ENTHD1: variants seen among roughly 807,000 people sequenced by gnomAD.
The protein encoded by ENTHD1 is ENTH domain containing 1.
Under a neutral mutation model 39.1 loss-of-function variants are expected in ENTHD1, and 23 were observed. The observed-to-expected ratio is 0.59, with a 90% confidence interval of 0.42 to 0.83. The LOEUF is 0.83. Among genes scored for constraint, ENTHD1 ranks in the 40% least tolerant of loss-of-function variants. The probability of loss-of-function intolerance (pLI) is 0.00; values close to 1 mark genes in which losing one functional copy is unlikely to be tolerated. For synonymous variants in ENTHD1, 230 were observed against 258.2 expected (o/e 0.89, Z 1.05); for missense variants, 624 against 705.4 (o/e 0.88, Z 1.31).
At chr22:39,877,061 G>A (rs996082942) in intron 2 of ENTHD1, among the ~76,000 whole-genome samples, 6 of 152,168 alleles carry the variant, frequency 3.9e-5, no homozygotes, top group Admixed American at 6.5e-5. Flanking sequence ...GAATGTTAAC[G>A]AGATTCAGGA....
chr22:39,820,966 A>G (rs752686988), intron 5 of ENTHD1, 27 bp downstream of exon 5: 3 of 1,611,976 alleles, frequency 1.9e-6, no homozygotes. Flanking sequence ...TCTGATAAGT[A>G]AACTTCCTAT....
chr22:39,861,278 G>A (rs150717255), intron 3 of ENTHD1, among the ~76,000 whole-genome samples: 334 of 152,302 alleles, frequency 2.2e-3, no homozygotes, highest in East Asian at 0.019. Context: ...AGTGGCTCAC[G>A]CCTATAATCC....
intron 2 of ENTHD1, among the ~76,000 whole-genome samples, chr22:39,886,058 GT>G (rs137951): frequency 0.28 from 41,687 of 147,970 alleles, 7,577 homozygotes; most frequent in African/African-American, 0.53. Flanking sequence ...TCTCAATAAA[GT>G]TTTTTTTTTT....
At chr22:39,844,130 C>G (rs1305154998) in intron 3 of ENTHD1, among the ~76,000 whole-genome samples, 1 of 151,420 alleles carries the variant, frequency 6.6e-6, no homozygotes, top group African/African-American at 2.4e-5. Flanking sequence ...TAAAGATGTA[C>G]AATTACTGTA....
intron 3 of ENTHD1, among the ~76,000 whole-genome samples, chr22:39,845,661 T>C (rs981646455): frequency 1.3e-5 from 2 of 152,218 alleles, no homozygotes; most frequent in African/African-American, 4.8e-5. Flanking sequence ...AAATTCGTAA[T>C]TGTTTCTTGT....
At chr22:39,884,504 G>A (rs573511993) in intron 2 of ENTHD1, among the ~76,000 whole-genome samples, 6 of 151,328 alleles carry the variant, frequency 4.0e-5, no homozygotes, top group South Asian at 2.1e-4. Context: ...AACAAAATTC[G>A]TAAGCTGGTA....
intron 5 of ENTHD1, among the ~76,000 whole-genome samples, chr22:39,799,957 G>A (rs1467727891): frequency 6.6e-6 from 1 of 152,190 alleles, no homozygotes; most frequent in Non-Finnish European, 1.5e-5. Flanking sequence ...GTCTGGTGGG[G>A]GCTGGGCTCT....
intron 1 of ENTHD1, among the ~76,000 whole-genome samples, chr22:39,891,579 C>A (rs1030732656): frequency 6.6e-6 from 1 of 150,938 alleles, no homozygotes; most frequent in Non-Finnish European, 1.5e-5. Flanking sequence ...GTAGCTGGGA[C>A]TACAGGTGCA....
chr22:39,767,240 T>C (rs886535850), intron 5 of ENTHD1, among the ~76,000 whole-genome samples: 1 of 152,206 alleles, frequency 6.6e-6, no homozygotes. Flanking sequence ...TGCTTAATAA[T>C]GATTAAAGGA....
chr22:39,801,808 T>G (rs17001461), intron 5 of ENTHD1, among the ~76,000 whole-genome samples: 3 of 148,560 alleles, frequency 2.0e-5, no homozygotes, highest in South Asian at 2.2e-4. Context: ...TTTGTTGTGG[T>G]TTTTTTTTTA....
chr22:39,838,603 C>T (rs563611536), intron 3 of ENTHD1, among the ~76,000 whole-genome samples: 13 of 152,104 alleles, frequency 8.5e-5, no homozygotes, highest in African/African-American at 1.7e-4. Context: ...TGTGGGCAAA[C>T]GAGCAGTTCC....
chr22:39,870,204 T>G (rs1429247878), intron 2 of ENTHD1, among the ~76,000 whole-genome samples: 1 of 151,836 alleles, frequency 6.6e-6, no homozygotes, highest in African/African-American at 2.4e-5. Flanking sequence ...TTTAATATCT[T>G]TGCCATGTCG....
At chr22:39,845,474 G>C (rs1008022881) in intron 3 of ENTHD1, among the ~76,000 whole-genome samples, 2 of 151,980 alleles carry the variant, frequency 1.3e-5, no homozygotes, top group Non-Finnish European at 1.5e-5. Context: ...AACACATTCC[G>C]GTAGAAAAAC....
chr22:39,765,712 C>G (rs987947325), intron 5 of ENTHD1, 103 bp from the exon 6 acceptor site: 1 of 1,184,958 alleles, frequency 8.4e-7, no homozygotes, highest in Non-Finnish European at 1.2e-6. Flanking sequence ...AATGTCATAA[C>G]AGAATTCTTT....
At chr22:39,772,971 A>G (rs2065338558) in intron 5 of ENTHD1, among the ~76,000 whole-genome samples, 1 of 152,082 alleles carries the variant, frequency 6.6e-6, no homozygotes, top group East Asian at 1.9e-4. Context: ...TTTCAAATAC[A>G]TGAAGCAAAA....
intron 5 of ENTHD1, among the ~76,000 whole-genome samples, chr22:39,780,123 C>CT (rs2065396550): frequency 6.6e-6 from 1 of 152,124 alleles, no homozygotes; most frequent in Non-Finnish European, 1.5e-5. Flanking sequence ...CCTGTAACTC[C>CT]AGGACTTTGG....
rs1399724344 is a variant in ENTHD1 at position 39,867,440 on chromosome 22, T to C, written c.350-5433A>G. Among the ~76,000 whole-genome samples the C allele has an allele frequency of 6.6e-6, 1 of 152,152 alleles. No homozygotes were observed. The highest frequency in any genetic ancestry group is 2.4e-5 in the African/African-American group (1 of 41,424). ...CTTCCCATATTCCTTTCTCGGTGAC[T>C]TTTATCTCTACTCTAAGTTAGAAAT... On this transcript the variant is annotated intron_variant, in intron 2 of 6. Coordinates refer to ENST00000325157, the MANE Select transcript of ENTHD1 (RefSeq NM_152512.4). The surrounding 1 kb of genome is among the most constrained non-coding windows in gnomAD (Gnocchi z 4.5).
At chr22:39,884,920 C>T (rs1204710740) in intron 2 of ENTHD1, among the ~76,000 whole-genome samples, 1 of 152,174 alleles carries the variant, frequency 6.6e-6, no homozygotes, top group Non-Finnish European at 1.5e-5. Flanking sequence ...TATAAATCTT[C>T]ATGTTCTTGT....
intron 5 of ENTHD1, among the ~76,000 whole-genome samples, chr22:39,769,750 T>A (rs2065307373): frequency 6.6e-6 from 1 of 151,890 alleles, no homozygotes; most frequent in African/African-American, 2.4e-5. Context: ...CCCATTGAAA[T>A]GACAGAAGTG....
Sources: gnomAD v4.1 joint callset for allele counts (sites outside exome capture counted in the v4.1 genomes callset) on GRCh38, gnomAD v4.1.1 for gene constraint, Gnocchi (gnomAD v3.1) non-coding constraint, MANE v1.5 for transcripts, NCBI Gene and HGNC (gene_info 2026-07-23, HGNC 2026-07-21) for gene names.